Variants in ROBO2 observed in about 807,000 individuals in gnomAD.
The protein encoded by ROBO2 is roundabout homolog 2.
Under a neutral mutation model 160.8 loss-of-function variants are expected in ROBO2, and 53 were observed. The observed-to-expected ratio is 0.33, with a 90% CI of 0.26 to 0.41. The LOEUF is 0.41. Ranked by LOEUF, ROBO2 falls within the 10% of genes least tolerant of loss-of-function variation. The pLI is 1.00. For missense variants in ROBO2, 1,577 were observed against 1,722.4 expected (o/e 0.92, Z 1.49); for synonymous variants, 664 against 611.7 (o/e 1.09, Z -1.26).
At chr3:76,987,010 C>A (rs1220637410) in intron 2 of ROBO2, among the ~76,000 whole-genome samples, 1 of 152,024 alleles carries the variant, frequency 6.6e-6, no homozygotes, top group African/African-American at 2.4e-5. Context: ...AATAAAAGTG[C>A]CAAAAGCATG....
chr3:77,634,471 A>G (rs140947717), intron 23 of ROBO2: 2,119 of 191,088 alleles, frequency 0.011, 19 homozygotes, highest in Middle Eastern at 0.047. Context: ...TATTAAACAA[A>G]TACAACAGTA....
At chr3:76,442,022 C>T (rs1360641366) in intron 2 of ROBO2, among the ~76,000 whole-genome samples, 3 of 152,176 alleles carry the variant, frequency 2.0e-5, no homozygotes, top group African/African-American at 7.2e-5. Context: ...TGGTGGTGTC[C>T]ACCCCTTACT....
rs1708314729 is a variant in ROBO2, at chr3:76,283,059, T to C, written c.109+345457T>C. Among the ~76,000 whole-genome samples the C allele has an allele frequency of 4.3e-5, 6 of 139,568 alleles. No individual in the cohort carries two copies. In the South Asian group the frequency reaches 1.4e-3, roughly 31 times the overall value. The allele number at this position is 139,568 out of a possible 152,430, so 91.6% of individuals were successfully genotyped here. A position where few individuals can be genotyped will look rare whatever the true frequency, so the allele number is the denominator to read the frequency against. Reference sequence around the variant, plus strand: ...AAAAAATCTGAGCCAAGTTGTTTCATTACAAGTCTAAAATGTTCAGACTTT... The same window carrying C: ...AAAAAATCTGAGCCAAGTTGTTTCACTACAAGTCTAAAATGTTCAGACTTT... On this transcript the variant is annotated intron_variant, in intron 2 of 26. Coordinates refer to the ROBO2 transcript ENST00000487694.
chr3:75,910,167 C>G (rs1255739290), intron 1 of ROBO2, among the ~76,000 whole-genome samples: 1 of 152,180 alleles, frequency 6.6e-6, no homozygotes, highest in Non-Finnish European at 1.5e-5. Context: ...ACCCTGTACA[C>G]AGGCTGAGAC....
intron 2 of ROBO2, among the ~76,000 whole-genome samples, chr3:76,050,402 T>C (rs2067614388): frequency 6.6e-6 from 1 of 152,112 alleles, no homozygotes; most frequent in African/African-American, 2.4e-5. Flanking sequence ...TTCCCTACTT[T>C]TGCAGTTTGG....
chr3:76,414,416 T>C (rs1034217870), intron 2 of ROBO2, among the ~76,000 whole-genome samples: 6 of 152,112 alleles, frequency 3.9e-5, no homozygotes, highest in Non-Finnish European at 8.8e-5. Context: ...TCCAGGACTT[T>C]CCAGTCATAC....
chr3:76,998,779 C>T (rs1368132845), intron 2 of ROBO2, among the ~76,000 whole-genome samples: 1 of 152,114 alleles, frequency 6.6e-6, no homozygotes, highest in Non-Finnish European at 1.5e-5. Context: ...TGGCAATTCT[C>T]TGGAAAGGTT....
At chr3:77,302,716 T>C (rs915933443) in intron 2 of ROBO2, among the ~76,000 whole-genome samples, 5 of 152,152 alleles carry the variant, frequency 3.3e-5, no homozygotes, top group African/African-American at 7.2e-5. Flanking sequence ...ACAATAAATA[T>C]CCTCTAAATG....
At chr3:77,501,648 T>C (rs1330427067) in intron 5 of ROBO2, among the ~76,000 whole-genome samples, 3 of 152,170 alleles carry the variant, frequency 2.0e-5, no homozygotes, top group East Asian at 3.9e-4. Flanking sequence ...TGAAAAATTG[T>C]ATAATTCTAT....
chr3:76,396,521 G>T (rs79044850), intron 2 of ROBO2, among the ~76,000 whole-genome samples: 27,485 of 151,946 alleles, frequency 0.18, 2,888 homozygotes, highest in African/African-American at 0.28. Context: ...TGGGAAAAGA[G>T]GAAGTCAAAT....
intron 2 of ROBO2, among the ~76,000 whole-genome samples, chr3:77,310,336 A>G (rs1235027837): frequency 2.0e-5 from 3 of 152,216 alleles, no homozygotes; most frequent in Admixed American, 1.3e-4. Flanking sequence ...GTTGCAGCCA[A>G]TTGAGAACCT....
At chr3:77,116,518 A>AT (rs148591173) in intron 2 of ROBO2, among the ~76,000 whole-genome samples, 11,058 of 152,180 alleles carry the variant, frequency 0.073, 776 homozygotes, top group African/African-American at 0.18. Flanking sequence ...CTCCTTCTCC[A>AT]TTACTGTCCT....
chr3:76,336,929 G>A (rs1180586420), intron 2 of ROBO2, among the ~76,000 whole-genome samples: 2 of 151,904 alleles, frequency 1.3e-5, no homozygotes, highest in Admixed American at 1.3e-4. Flanking sequence ...CAAAATTAAT[G>A]TTTGCAGTTA....
At chr3:77,338,432 G>A (rs187104890) in intron 2 of ROBO2, among the ~76,000 whole-genome samples, 54 of 152,208 alleles carry the variant, frequency 3.5e-4, no homozygotes, top group Admixed American at 2.9e-3. Context: ...GAGCAGATGC[G>A]TGTTGTGAAG....
intron 2 of ROBO2, among the ~76,000 whole-genome samples, chr3:76,124,339 T>C (rs2070879688): frequency 6.6e-6 from 1 of 152,116 alleles, no homozygotes; most frequent in South Asian, 2.1e-4. Context: ...ACCAGGATTT[T>C]TTATCTCATT....
chr3:76,499,530 T>G (rs2080345766), intron 2 of ROBO2, among the ~76,000 whole-genome samples: 1 of 152,192 alleles, frequency 6.6e-6, no homozygotes, highest in East Asian at 1.9e-4. Context: ...TTATTCCTTC[T>G]GGACAAACAT....
chr3:77,050,944 C>T lies in ROBO2; in HGVS notation c.61+10098C>T, dbSNP rs955261333. Among the ~76,000 whole-genome samples the T allele has an allele frequency of 8.6e-5, 13 of 150,366 alleles. No homozygotes were observed. The East Asian group carries it at 1.4e-3, about 16-fold the overall frequency. ...GAGGTAGAAGGATTGCTTGTGTCTG[C>T]GAGGTCAAGGCTGCAGTGAGCTGTG... On this transcript the variant is annotated intron_variant, in intron 1 of 25. Coordinates refer to ENST00000461745, the Ensembl canonical transcript of ROBO2.
At chr3:76,859,179 G>A (rs2070465160) in intron 2 of ROBO2, among the ~76,000 whole-genome samples, 1 of 152,116 alleles carries the variant, frequency 6.6e-6, no homozygotes, top group Admixed American at 6.5e-5. Context: ...AAGAAGTCAA[G>A]GGTGAAAGTG....
At chr3:76,697,183 T>C (rs999159518) in intron 2 of ROBO2, among the ~76,000 whole-genome samples, 1 of 152,156 alleles carries the variant, frequency 6.6e-6, no homozygotes, top group Non-Finnish European at 1.5e-5. Context: ...AAGAGAGCAA[T>C]ATAACCATGG....
Sources: allele counts gnomAD v4.1 joint callset (sites outside exome capture counted in the v4.1 genomes callset), GRCh38; gene constraint gnomAD v4.1.1; transcripts MANE v1.5; gene names NCBI Gene and HGNC (gene_info 2026-07-23, HGNC 2026-07-21).